The following ROBO1 variants were observed in gnomAD, a reference collection of about 807,000 sequenced individuals.
ROBO1 encodes roundabout guidance receptor 1, also known as roundabout homolog 1.
Under a neutral mutation model 195.9 loss-of-function variants are expected in ROBO1, and 149 were observed. The ratio of observed to expected loss-of-function variants is 0.76; its 90% CI spans 0.67 to 0.87. The LOEUF is 0.87. Among genes scored for constraint, ROBO1 ranks in the 40% least tolerant of loss-of-function variants. The pLI is 0.00. For synonymous variants in ROBO1, 816 were observed against 733.2 expected, an observed-to-expected ratio of 1.11 and a Z score of -1.82; for missense variants, 1,933 against 2,068.3, an observed-to-expected ratio of 0.93 and a Z score of 1.27.
intron 2 of ROBO1, among the ~76,000 whole-genome samples, chr3:79,297,306 T>C (rs1335472483): frequency 6.6e-6 from 1 of 152,182 alleles, no homozygotes; most frequent in Non-Finnish European, 1.5e-5. Flanking sequence ...CAACCCACTA[T>C]AGAGTACATC....
At chr3:78,645,270 G>T (rs893621251) in intron 21 of ROBO1, among the ~76,000 whole-genome samples, 1 of 151,852 alleles carries the variant, frequency 6.6e-6, no homozygotes, top group African/African-American at 2.4e-5. Context: ...TTCTTATCCG[G>T]TGGTATGTTC....
At chr3:79,555,645 T>C (rs1455089356) in intron 2 of ROBO1, among the ~76,000 whole-genome samples, 2 of 152,168 alleles carry the variant, frequency 1.3e-5, no homozygotes, top group East Asian at 1.9e-4. Flanking sequence ...CTGAGATTTC[T>C]GCTTTGTTAT....
rs181253792 is a variant in ROBO1, at chr3:79,687,404, A to G, written c.-51+80348T>C. 2.7e-3 allele frequency among the ~76,000 whole-genome samples: 415 copies of G among 152,348 alleles called. 3 individuals carry two copies. Among genetic ancestry groups the G allele is most frequent in the Non-Finnish European group, 5.2e-3 (354 of 68,042 alleles). On this transcript the variant is annotated intron_variant, in intron 1 of 30. Coordinates refer to ENST00000464233, the MANE Select transcript of ROBO1 (RefSeq NM_002941.4). Reference sequence around the variant, plus strand: ...TAATTAAACTAAAGAACGACCACACAGCAAAAGAAACTACTATCAGAGTGA... The same window carrying G: ...TAATTAAACTAAAGAACGACCACACGGCAAAAGAAACTACTATCAGAGTGA...
intron 1 of ROBO1, among the ~76,000 whole-genome samples, chr3:79,654,101 G>A (rs1249154472): frequency 1.3e-5 from 2 of 152,010 alleles, no homozygotes; most frequent in East Asian, 1.9e-4. Context: ...TTACAAGCAC[G>A]TTTATAAAGT....
chr3:78,772,999 A>G (rs1394051500), intron 4 of ROBO1, among the ~76,000 whole-genome samples: 2 of 152,144 alleles, frequency 1.3e-5, no homozygotes, highest in Non-Finnish European at 2.9e-5. Context: ...TTGAAAGTAC[A>G]TCATTATAGT....
chr3:78,618,107 C>A, intron 26 of ROBO1, 66 bp from the exon 27 acceptor site: 3 of 1,482,572 alleles, frequency 2.0e-6, no homozygotes, highest in Non-Finnish European at 1.8e-6. Flanking sequence ...GACAAATTAC[C>A]CAAGAAATTC....
chr3:79,753,590 G>A (rs1704236572), intron 1 of ROBO1, among the ~76,000 whole-genome samples: 1 of 152,132 alleles, frequency 6.6e-6, no homozygotes, highest in Admixed American at 6.6e-5. Context: ...AAATATCTTT[G>A]CCAATTATTA....
intron 1 of ROBO1, among the ~76,000 whole-genome samples, chr3:79,620,749 C>T (rs62259366): frequency 0.074 from 11,185 of 151,992 alleles, 548 homozygotes; most frequent in Non-Finnish European, 0.11. Flanking sequence ...TCATGCACCC[C>T]TTATCATCCC....
At chr3:78,780,867 T>C (rs1325004119) in intron 4 of ROBO1, among the ~76,000 whole-genome samples, 1 of 152,122 alleles carries the variant, frequency 6.6e-6, no homozygotes, top group East Asian at 1.9e-4. Context: ...TTTTTTAGGT[T>C]CTCTAACTCA....
At chr3:79,019,875 A>G (rs2078062651) in intron 3 of ROBO1, among the ~76,000 whole-genome samples, 1 of 152,124 alleles carries the variant, frequency 6.6e-6, no homozygotes, top group Non-Finnish European at 1.5e-5. Flanking sequence ...AAAAAAATCA[A>G]TTTTGAGCAA....
At chr3:79,344,028 C>A (rs1365415268) in intron 2 of ROBO1, among the ~76,000 whole-genome samples, 2 of 152,028 alleles carry the variant, frequency 1.3e-5, no homozygotes, top group Non-Finnish European at 2.9e-5. Flanking sequence ...TGGAATTTGG[C>A]AAGTTTCTCA....
Position 78,670,252 on chromosome 3 carries a change from C to G in ROBO1, c.1392G>C (p.Gln464His), listed in dbSNP as rs770061383. The change falls in exon 11 of 31, where the codon CAG (glutamine) becomes CAC (histidine). Residue 464 changes from glutamine (Q) to histidine (H), a missense_variant. This residue lies in a region of ROBO1 where 1,737 missense variants were observed against 1,882.5 expected (regional missense o/e 0.92). Coordinates refer to ENST00000464233, the MANE Select transcript of ROBO1 (RefSeq NM_002941.4). ...CGAAAGTGCCATCCACGGCTACAGT[C>G]TGATTCACAGGACCTTGTCGAATAA... ...PPVIRQGPVN[Q>H]TVAVDGTFVL... The G allele has an allele frequency of 6.3e-7, 1 of 1,591,012 alleles. No individual in the cohort carries two copies.
intron 1 of ROBO1, among the ~76,000 whole-genome samples, chr3:79,633,760 A>G (rs1228166873): frequency 2.6e-5 from 4 of 151,884 alleles, no homozygotes; most frequent in Non-Finnish European, 4.4e-5. Flanking sequence ...AACCTTTGAT[A>G]CCCCATAGTC....
rs183010294 is a variant in ROBO1, at chr3:78,623,465, G to A, written c.3875+3856C>T. ...AGACATTGTTCGGGGAGTAGCAATG[G>A]GTAAGGATGGTAGGGCACACAGGGG... On this transcript the variant is annotated intron_variant, in intron 26 of 30. Transcript: ENST00000464233. Among the ~76,000 whole-genome samples, 405 of 152,264 alleles carry A rather than the reference G, an allele frequency of 2.7e-3. 1 individual carries two copies. Among genetic ancestry groups the A allele is most frequent in the African/African-American group, 9.3e-3 (385 of 41,560 alleles).
At chr3:79,674,408 G>T (rs1411823735) in intron 1 of ROBO1, among the ~76,000 whole-genome samples, 1 of 151,640 alleles carries the variant, frequency 6.6e-6, no homozygotes, top group East Asian at 1.9e-4. Flanking sequence ...ACAACATTTT[G>T]GGTTTTGTTC....
chr3:79,642,083 T>C (rs1471481459), intron 1 of ROBO1, among the ~76,000 whole-genome samples: 2 of 152,064 alleles, frequency 1.3e-5, no homozygotes, highest in South Asian at 2.1e-4. Context: ...ATTGAAATAA[T>C]AATAAAAAAT....
At chr3:79,691,052 A>C (rs2107078462) in intron 1 of ROBO1, among the ~76,000 whole-genome samples, 1 of 152,072 alleles carries the variant, frequency 6.6e-6, no homozygotes, top group Non-Finnish European at 1.5e-5. Flanking sequence ...CTGTGGCTTT[A>C]ACAGAAATAA....
chr3:79,266,720 ACAGCTG>A (rs1407103817), intron 2 of ROBO1, among the ~76,000 whole-genome samples: 2 of 151,618 alleles, frequency 1.3e-5, no homozygotes, highest in Non-Finnish European at 3.0e-5. Flanking sequence ...AAGGATGGTT[ACAGCTG>A]CATGAAGTTG....
intron 2 of ROBO1, among the ~76,000 whole-genome samples, chr3:79,587,360 T>C (rs1474334604): frequency 1.3e-5 from 2 of 151,834 alleles, no homozygotes; most frequent in Non-Finnish European, 2.9e-5. Context: ...ATAAAATAAC[T>C]GGCATTGAGC....
Sources: allele counts gnomAD v4.1 joint callset (sites outside exome capture counted in the v4.1 genomes callset), GRCh38; gene constraint gnomAD v4.1.1; regional missense constraint gnomAD v4.1.1; transcripts MANE v1.5; gene names NCBI Gene and HGNC (gene_info 2026-07-23, HGNC 2026-07-21).